CNTNAP5: variants seen among roughly 807,000 people sequenced by gnomAD.
CNTNAP5 encodes the protein contactin associated protein family member 5.
A neutral mutation model predicts 150.2 loss-of-function variants in CNTNAP5; 72 were observed. The ratio of observed to expected loss-of-function variants is 0.48; its 90% confidence interval spans 0.40 to 0.58. The LOEUF (loss-of-function observed/expected upper bound fraction) is 0.58, where lower values mean the gene tolerates loss of function less well. CNTNAP5 is among the 20% of genes least tolerant of loss of function. The pLI is 0.00. For missense variants in CNTNAP5, 1,636 were observed against 1,626.2 expected, an observed-to-expected ratio of 1.01 and a Z score of -0.10; for synonymous variants, 672 against 619.8, an observed-to-expected ratio of 1.08 and a Z score of -1.25.
intron 13 of CNTNAP5, among the ~76,000 whole-genome samples, chr2:124,725,971 T>C (rs896490231): frequency 9.9e-5 from 15 of 152,058 alleles, no homozygotes; most frequent in Non-Finnish European, 1.6e-4. Context: ...TGTGTGTATA[T>C]ATATATGATA....
At chr2:124,516,603 C>T (rs757985594) in intron 8 of CNTNAP5, among the ~76,000 whole-genome samples, 4 of 152,192 alleles carry the variant, frequency 2.6e-5, no homozygotes, top group African/African-American at 4.8e-5. Context: ...GGGTTGGAAA[C>T]AGTCTTTAGG....
intron 1 of CNTNAP5, among the ~76,000 whole-genome samples, chr2:124,211,438 T>C (rs1686007436): frequency 1.3e-5 from 2 of 152,162 alleles, no homozygotes; most frequent in South Asian, 2.1e-4. Context: ...AAAGGACACA[T>C]AATTAGTAAG....
intron 3 of CNTNAP5, among the ~76,000 whole-genome samples, chr2:124,342,094 A>T (rs1351995635): frequency 5.9e-5 from 9 of 152,172 alleles, no homozygotes; most frequent in Admixed American, 5.9e-4. Context: ...TGGGTATATT[A>T]TAGTTTTCTT....
At chr2:124,807,237 G>A (rs963085398) in intron 19 of CNTNAP5, among the ~76,000 whole-genome samples, 1 of 152,098 alleles carries the variant, frequency 6.6e-6, no homozygotes, top group South Asian at 2.1e-4. Context: ...TTGAAGATAT[G>A]TCTCCACTGT....
chr2:124,464,818 T>C (rs1693339082), intron 6 of CNTNAP5, among the ~76,000 whole-genome samples: 1 of 152,154 alleles, frequency 6.6e-6, no homozygotes, highest in Admixed American at 6.6e-5. Context: ...GTTTCTCCTT[T>C]TGAAGGGCCA....
chr2:124,293,456 C>T (rs1349163126), intron 3 of CNTNAP5, among the ~76,000 whole-genome samples: 1 of 151,954 alleles, frequency 6.6e-6, no homozygotes, highest in African/African-American at 2.4e-5. Flanking sequence ...TAGTTAATAA[C>T]AATCCAATGC....
At chr2:124,439,175 G>T (rs1406858731) in intron 5 of CNTNAP5, among the ~76,000 whole-genome samples, 1 of 152,174 alleles carries the variant, frequency 6.6e-6, no homozygotes, top group East Asian at 1.9e-4. Context: ...GTAATCTGGA[G>T]ATTTTATTAT....
At position 124,174,576 on chromosome 2, in the gene CNTNAP5, A is replaced by G. The variant is rs1298090251; in HGVS notation, c.83-47129A>G. Among the ~76,000 whole-genome samples the G allele has an allele frequency of 1.3e-5, 2 of 152,180 alleles. 1 individual carries two copies. Among genetic ancestry groups the G allele is most frequent in the Non-Finnish European group, 2.9e-5 (2 of 68,036 alleles). ...AAGTGGAACCTGAAGATGTGACTGA[A>G]TTGCTGCAATTTCATGATAGACTCT... On this transcript the variant is annotated intron_variant, in intron 1 of 23. Transcript: ENST00000682447.
At chr2:124,192,382 C>T (rs557879845) in intron 1 of CNTNAP5, among the ~76,000 whole-genome samples, 6 of 152,112 alleles carry the variant, frequency 3.9e-5, no homozygotes, top group Admixed American at 6.5e-5. Flanking sequence ...CTTCTTTGCC[C>T]GATCAAGTAC....
chr2:124,422,925 G>T (rs1317862761), intron 4 of CNTNAP5, among the ~76,000 whole-genome samples: 2 of 152,198 alleles, frequency 1.3e-5, no homozygotes, highest in Non-Finnish European at 2.9e-5. Flanking sequence ...TTCTAGGCAA[G>T]CGTGATGAGG....
chr2:124,394,968 T>G (rs55931935), intron 3 of CNTNAP5, among the ~76,000 whole-genome samples: 15,841 of 152,162 alleles, frequency 0.1, 1,202 homozygotes, highest in African/African-American at 0.22. Context: ...ATAATAAAAT[T>G]CTCTTGATCT....
chr2:124,321,200 G>A (rs779980), intron 3 of CNTNAP5, among the ~76,000 whole-genome samples: 66,698 of 151,966 alleles, frequency 0.44, 15,626 homozygotes, highest in African/African-American at 0.58. Context: ...CCAGCACTTT[G>A]AGAGGCCGAG....
chr2:124,609,107 C>T (rs764657892), intron 11 of CNTNAP5, among the ~76,000 whole-genome samples: 2 of 152,148 alleles, frequency 1.3e-5, no homozygotes, highest in Non-Finnish European at 2.9e-5. Flanking sequence ...GACCACTACT[C>T]TTACAGGTTC....
intron 4 of CNTNAP5, among the ~76,000 whole-genome samples, chr2:124,419,896 T>TTTTC (rs776205045): frequency 0.23 from 19,397 of 84,980 alleles, 2,511 homozygotes; most frequent in Middle Eastern, 0.25. Flanking sequence ...ACTGGATTGG[T>TTTTC]TTTCTTTCTT....
chr2:124,299,433 G>A (rs557556059), intron 3 of CNTNAP5, among the ~76,000 whole-genome samples: 29 of 152,276 alleles, frequency 1.9e-4, no homozygotes, highest in Admixed American at 1.1e-3. Flanking sequence ...GTGAGAATAT[G>A]CTGTATTTGG....
intron 3 of CNTNAP5, among the ~76,000 whole-genome samples, chr2:124,372,226 C>T (rs80270596): frequency 0.069 from 10,446 of 152,056 alleles, 462 homozygotes; most frequent in East Asian, 0.21. Flanking sequence ...GTGACTTATT[C>T]CAGCAGCCTA....
At chr2:124,099,400 G>A (rs1683013357) in intron 1 of CNTNAP5, among the ~76,000 whole-genome samples, 1 of 152,112 alleles carries the variant, frequency 6.6e-6, no homozygotes, top group Admixed American at 6.6e-5. Context: ...CATTCACCAA[G>A]TATTGAAATT....
intron 1 of CNTNAP5, among the ~76,000 whole-genome samples, chr2:124,064,289 A>C (rs1353415263): frequency 6.6e-6 from 1 of 152,178 alleles, no homozygotes; most frequent in African/African-American, 2.4e-5. Flanking sequence ...AATAAAGAGC[A>C]CTATCTGATG....
chr2:124,880,747 C>T (rs1373890688), intron 21 of CNTNAP5, among the ~76,000 whole-genome samples: 2 of 152,030 alleles, frequency 1.3e-5, no homozygotes, highest in Non-Finnish European at 2.9e-5. Context: ...AAACAAGTAT[C>T]TGTGAGGATA....
Sources: allele counts gnomAD v4.1 joint callset (sites outside exome capture counted in the v4.1 genomes callset), GRCh38; gene constraint gnomAD v4.1.1; transcripts MANE v1.5; gene names NCBI Gene and HGNC (gene_info 2026-07-23, HGNC 2026-07-21).